The following AFF3 variants were observed in gnomAD, a reference collection of about 807,000 sequenced individuals.
AFF3 encodes the protein AF4/FMR2 family member 3.
A neutral mutation model predicts 129.7 loss-of-function variants in AFF3; 32 were observed. That is an observed-to-expected ratio of 0.25 (90% confidence interval 0.19 to 0.33). The LOEUF is 0.33. AFF3 is among the 10% of genes least tolerant of loss of function. The probability of loss-of-function intolerance (pLI) is 1.00; values close to 1 mark genes in which losing one functional copy is unlikely to be tolerated. For synonymous variants in AFF3, 644 were observed against 635.4 expected, an observed-to-expected ratio of 1.01 and a Z score of -0.20; for missense variants, 1,373 against 1,592.0, an observed-to-expected ratio of 0.86 and a Z score of 2.34.
chr2:99,667,457 G>GA (rs1209316903), intron 12 of AFF3, among the ~76,000 whole-genome samples: 1 of 151,900 alleles, frequency 6.6e-6, no homozygotes, highest in Non-Finnish European at 1.5e-5. Context: ...CAAGAAACTA[G>GA]AAAATGGGCA....
intron 7 of AFF3, among the ~76,000 whole-genome samples, chr2:99,845,702 C>T (rs1363861488): frequency 3.9e-5 from 6 of 152,176 alleles, no homozygotes; most frequent in Non-Finnish European, 8.8e-5. Flanking sequence ...GAAGATCACA[C>T]AGGTTCAGGC....
At chr2:99,618,574 T>C (rs1054751439) in intron 13 of AFF3, among the ~76,000 whole-genome samples, 1 of 152,170 alleles carries the variant, frequency 6.6e-6, no homozygotes, top group Admixed American at 6.5e-5. Flanking sequence ...ACATAGCAAA[T>C]GCTCAATTAA....
intron 7 of AFF3, among the ~76,000 whole-genome samples, chr2:99,954,932 A>G (rs1676497962): frequency 6.6e-6 from 1 of 151,644 alleles, no homozygotes; most frequent in Non-Finnish European, 1.5e-5. Context: ...AAAATAAAAT[A>G]AAGAAAAAAA....
intron 7 of AFF3, among the ~76,000 whole-genome samples, chr2:99,906,562 TA>T (rs956272958): frequency 1.3e-5 from 2 of 151,746 alleles, no homozygotes; most frequent in Admixed American, 6.6e-5. Context: ...ATAACAATAA[TA>T]AAAAAAAGTC....
intron 13 of AFF3, among the ~76,000 whole-genome samples, chr2:99,641,656 C>T (rs1684202356): frequency 6.6e-6 from 1 of 152,070 alleles, no homozygotes; most frequent in African/African-American, 2.4e-5. Context: ...CCAGCCTGGG[C>T]AACAGAGCAA....
intron 13 of AFF3, among the ~76,000 whole-genome samples, chr2:99,632,396 G>A (rs1683206820): frequency 6.6e-6 from 1 of 152,116 alleles, no homozygotes; most frequent in Non-Finnish European, 1.5e-5. Context: ...GAGAAAATAC[G>A]ATATCTCACT....
At chr2:99,694,200 A>G (rs1450174467) in intron 11 of AFF3, among the ~76,000 whole-genome samples, 1 of 151,656 alleles carries the variant, frequency 6.6e-6, no homozygotes, top group Non-Finnish European at 1.5e-5. Context: ...GTCTGGCCTC[A>G]TTCCTTAATC....
At chr2:99,694,175 A>G (rs1294833656) in intron 11 of AFF3, among the ~76,000 whole-genome samples, 1 of 152,136 alleles carries the variant, frequency 6.6e-6, no homozygotes, top group Non-Finnish European at 1.5e-5. Flanking sequence ...TGGAATTACA[A>G]GTGTGAGCCA....
intron 7 of AFF3, among the ~76,000 whole-genome samples, chr2:99,897,570 G>A (rs1310866110): frequency 6.6e-6 from 1 of 152,118 alleles, no homozygotes; most frequent in Non-Finnish European, 1.5e-5. Context: ...GCCCACACCA[G>A]ACCACCTTTT....
intron 13 of AFF3, among the ~76,000 whole-genome samples, chr2:99,648,881 GCGCGCACACACA>G (rs1328572348): frequency 2.0e-4 from 13 of 64,928 alleles, no homozygotes; most frequent in East Asian, 6.4e-4. Flanking sequence ...CTCAAAACAC[GCGCGCACACACA>G]CACACACACA....
intron 8 of AFF3, among the ~76,000 whole-genome samples, chr2:99,758,923 A>G (rs548583479): frequency 9.1e-4 from 139 of 152,280 alleles, no homozygotes; most frequent in African/African-American, 3.2e-3. Flanking sequence ...ACCTTCTACA[A>G]TAAGGTCCCA....
chr2:99,930,068 G>T (rs1255126232), intron 7 of AFF3, among the ~76,000 whole-genome samples: 1 of 152,040 alleles, frequency 6.6e-6, no homozygotes, highest in Non-Finnish European at 1.5e-5. Flanking sequence ...TAAACTTAAA[G>T]AAAACACTGA....
intron 11 of AFF3, among the ~76,000 whole-genome samples, chr2:99,703,313 G>A (rs149472494): frequency 1.8e-4 from 27 of 152,232 alleles, no homozygotes; most frequent in Non-Finnish European, 2.5e-4. Flanking sequence ...CTTCTGCCAC[G>A]TAAGGTAACA....
chr2:99,556,411 C>A lies in AFF3; in HGVS notation c.3286-1679G>T, dbSNP rs191907498. ...GAGCCAAGATTGTGCCACTGCACTC[C>A]AGCCTGGGTGACGGAGCGAGACTCC... On this transcript the variant is annotated intron_variant, in intron 22 of 24. Coordinates refer to ENST00000672756, the MANE Select transcript of AFF3 (RefSeq NM_001386135.1). Among the ~76,000 whole-genome samples, 39 of 152,004 alleles carry A rather than the reference C, an allele frequency of 2.6e-4. No homozygotes were observed. The East Asian group carries it at 6.0e-3, about 24-fold the overall frequency.
At chr2:99,574,411 C>T (rs548579437) in intron 18 of AFF3, among the ~76,000 whole-genome samples, 4 of 152,174 alleles carry the variant, frequency 2.6e-5, no homozygotes, top group Non-Finnish European at 5.9e-5. Flanking sequence ...TGCCTGTTTA[C>T]AGGCATTATA....
intron 4 of AFF3, among the ~76,000 whole-genome samples, chr2:100,077,232 G>A (rs1449849532): frequency 6.6e-6 from 1 of 152,176 alleles, no homozygotes; most frequent in Non-Finnish European, 1.5e-5. Flanking sequence ...CTGGGCGACA[G>A]TGAGACTGTC....
rs187180210 is a variant in AFF3 at position 99,660,892 on chromosome 2, C to T, written c.1144-11226G>A. Among the ~76,000 whole-genome samples the T allele has an allele frequency of 2.6e-3, 398 of 152,248 alleles. 2 individuals carry two copies. The highest frequency in any genetic ancestry group is 4.4e-3 in the Non-Finnish European group (301 of 68,024). On this transcript the variant is annotated intron_variant, in intron 12 of 24. Transcript: ENST00000672756. ...TGAATGATCACACATGATTTTTCTC[C>T]GTGTAGAAACAACAGGCTAAGAGAG...
chr2:99,715,003 C>T (rs972790128), intron 11 of AFF3, among the ~76,000 whole-genome samples: 1 of 152,218 alleles, frequency 6.6e-6, no homozygotes, highest in Admixed American at 6.5e-5. Flanking sequence ...GTGGTGCTCA[C>T]GTCTTCCAAG....
chr2:100,076,878 G>T (rs551449961), intron 4 of AFF3, among the ~76,000 whole-genome samples: 17 of 152,168 alleles, frequency 1.1e-4, no homozygotes, highest in Non-Finnish European at 1.9e-4. Flanking sequence ...GCTCCCCAAA[G>T]ATGCCCACCT....
Sources: allele counts gnomAD v4.1 joint callset (sites outside exome capture counted in the v4.1 genomes callset), GRCh38; gene constraint gnomAD v4.1.1; transcripts MANE v1.5; gene names NCBI Gene and HGNC (gene_info 2026-07-23, HGNC 2026-07-21).